The following CACNA1C variants were observed in gnomAD, a reference collection of about 807,000 sequenced individuals.
CACNA1C encodes calcium voltage-gated channel subunit alpha1 C.
Under a neutral mutation model 229.0 loss-of-function variants are expected in CACNA1C, and 30 were observed. That is an observed-to-expected ratio of 0.13 (90% CI 0.10 to 0.18). The LOEUF (loss-of-function observed/expected upper bound fraction) is 0.18, where lower values mean the gene tolerates loss of function less well. CACNA1C is among the 10% of genes least tolerant of loss of function. The probability of loss-of-function intolerance (pLI) is 1.00; values close to 1 mark genes in which losing one functional copy is unlikely to be tolerated. For missense variants in CACNA1C, 1,658 were observed against 2,845.0 expected, an observed-to-expected ratio of 0.58 and a Z score of 9.49; for synonymous variants, 1,114 against 1,132.5, an observed-to-expected ratio of 0.98 and a Z score of 0.33.
Position 2,384,655 on chromosome 12 carries a change from G to A in CACNA1C, c.478-64321G>A, listed in dbSNP as rs1284199689. ...AGCAGCAACAGTGAAAGGGAAGGGA[G>A]GTGGAGGGAGAGTAAGCCACATGGG... On this transcript the variant is annotated intron_variant, in intron 3 of 46. Transcript: ENST00000399655. 3.9e-5 allele frequency among the ~76,000 whole-genome samples: 6 copies of A among 152,194 alleles called. No individual in the cohort carries two copies. The East Asian group carries it at 1.2e-3, about 29-fold the overall frequency.
chr12:2,489,022 A>G (rs936401448), intron 6 of CACNA1C, among the ~76,000 whole-genome samples: 18 of 152,182 alleles, frequency 1.2e-4, no homozygotes, highest in African/African-American at 4.3e-4. Flanking sequence ...TAGAAGACCA[A>G]ATACTTGCAG....
At chr12:2,428,276 C>T (rs2099051867) in intron 3 of CACNA1C, among the ~76,000 whole-genome samples, 1 of 152,184 alleles carries the variant, frequency 6.6e-6, no homozygotes, top group South Asian at 2.1e-4. Context: ...GTCTAATGGG[C>T]ACTGTGCTTG....
rs189603592 is a variant in CACNA1C, at chr12:2,143,016, C to A, written c.477+22586C>A. On this transcript the variant is annotated intron_variant, in intron 3 of 46. Transcript: ENST00000399655. ...TTTGAGACGGAGTCTCTCTCTGTTG[C>A]CCAGGCTGGAGTGCAATGGTGCTAT... 1.6e-4 allele frequency among the ~76,000 whole-genome samples: 24 copies of A among 150,696 alleles called. 2 individuals carry two copies. The highest frequency in any genetic ancestry group is 2.7e-4 in the Admixed American group (4 of 14,952).
At chr12:2,370,825 A>C (rs1449584652) in intron 3 of CACNA1C, among the ~76,000 whole-genome samples, 2 of 152,158 alleles carry the variant, frequency 1.3e-5, no homozygotes, top group Non-Finnish European at 2.9e-5. Flanking sequence ...TGGTGTTGTG[A>C]TTGTAGTCGA....
In CACNA1C at chr12:2,209,380, C is replaced by T. The variant is rs113243429; in HGVS notation, c.477+88950C>T. Among the ~76,000 whole-genome samples the T allele has an allele frequency of 4.1e-3, 627 of 152,166 alleles. 12 individuals are homozygous for T. The highest frequency in any genetic ancestry group is 0.033 in the South Asian group (157 of 4,822). ...GACGGTTGTAATAGTAAGAAACTCA[C>T]GGGGAGGAGTCATAGTGTGCTTGAA... On this transcript the variant is annotated intron_variant, in intron 3 of 46. Coordinates refer to ENST00000399655, the MANE Select transcript of CACNA1C (RefSeq NM_000719.7).
In CACNA1C at chr12:2,137,691, T is replaced by C. The variant is rs746685397; in HGVS notation, c.477+17261T>C. On this transcript the variant is annotated intron_variant, in intron 3 of 46. Coordinates refer to ENST00000399655, the MANE Select transcript of CACNA1C (RefSeq NM_000719.7). ...ATATATTTGTCTCTAAAATACTTACTGTTTTTTTTTTTCTGGCACATTCCT... is the reference window on the plus strand; with the variant it reads ...ATATATTTGTCTCTAAAATACTTACCGTTTTTTTTTTTCTGGCACATTCCT... Among the ~76,000 whole-genome samples, 25 of 151,258 alleles carry C rather than the reference T, an allele frequency of 1.7e-4. 2 individuals are homozygous for C. The highest frequency in any genetic ancestry group is 3.4e-4 in the Non-Finnish European group (23 of 67,618).
chr12:2,613,122 C>A (rs1339575518), intron 29 of CACNA1C: 1 of 152,200 alleles, frequency 6.6e-6, no homozygotes, highest in Non-Finnish European at 1.5e-5. Flanking sequence ...TCCAGCTCGG[C>A]CTTTGAATCC....
At chr12:2,153,058 T>C (rs115499596) in intron 3 of CACNA1C, among the ~76,000 whole-genome samples, 5,769 of 152,266 alleles carry the variant, frequency 0.038, 281 homozygotes, top group African/African-American at 0.11. Flanking sequence ...ATGGCAGAGA[T>C]CAGCAGAGTG....
intron 5 of CACNA1C, among the ~76,000 whole-genome samples, chr12:2,472,090 T>C (rs1225549542): frequency 6.6e-6 from 1 of 152,244 alleles, no homozygotes; most frequent in African/African-American, 2.4e-5. Flanking sequence ...ATCATTATTA[T>C]ATTCATTATA....
rs143469562 is a variant in CACNA1C at position 2,009,426 on chromosome 12, T to C, written c.139+38225T>C. On this transcript the variant is annotated intron_variant, in intron 1 of 46. Coordinates refer to the CACNA1C transcript ENST00000682462. ...TGAATGTTTGCATACAAATATAGAT[T>C]GACTATATCATCACAATTTTAAAAC... 5.8e-3 allele frequency among the ~76,000 whole-genome samples: 880 copies of C among 152,354 alleles called. 7 individuals are homozygous for C. Among genetic ancestry groups the C allele is most frequent in the African/African-American group, 0.02 (812 of 41,586 alleles).
intron 34 of CACNA1C, among the ~76,000 whole-genome samples, chr12:2,657,073 G>T (rs996192021): frequency 3.3e-5 from 5 of 152,138 alleles, no homozygotes; most frequent in Non-Finnish European, 7.3e-5. Context: ...GACCCATAAA[G>T]TTTACTCCCC....
chr12:2,522,560 A>G (rs2099811978), intron 9 of CACNA1C, among the ~76,000 whole-genome samples: 1 of 152,182 alleles, frequency 6.6e-6, no homozygotes, highest in Non-Finnish European at 1.5e-5. Flanking sequence ...AGAATTATAT[A>G]GTCCCAGGAG....
At chr12:2,178,451 G>A (rs2096733465) in intron 3 of CACNA1C, among the ~76,000 whole-genome samples, 1 of 152,208 alleles carries the variant, frequency 6.6e-6, no homozygotes, top group Admixed American at 6.5e-5. Flanking sequence ...GACAATCCAG[G>A]GATCTGCAGA....
At chr12:1,975,279 T>G (rs969778962) in intron 1 of CACNA1C, among the ~76,000 whole-genome samples, 1 of 152,178 alleles carries the variant, frequency 6.6e-6, no homozygotes, top group African/African-American at 2.4e-5. Context: ...ATACATAAGG[T>G]AATTCTAATA....
chr12:2,519,987 C>T (rs964484252), intron 9 of CACNA1C, among the ~76,000 whole-genome samples: 5 of 152,254 alleles, frequency 3.3e-5, no homozygotes, highest in Non-Finnish European at 5.9e-5. Context: ...GAAGTAGGCA[C>T]GTCAGCCTGT....
At chr12:2,384,177 G>T (rs993435380) in intron 3 of CACNA1C, among the ~76,000 whole-genome samples, 1 of 152,204 alleles carries the variant, frequency 6.6e-6, no homozygotes, top group African/African-American at 2.4e-5. Flanking sequence ...AAGTTTTCTC[G>T]CAGGTGACTC....
chr12:2,158,732 G>T (rs1386687695), intron 3 of CACNA1C, among the ~76,000 whole-genome samples: 2 of 152,020 alleles, frequency 1.3e-5, no homozygotes, highest in Non-Finnish European at 2.9e-5. Flanking sequence ...TTTCAGATAG[G>T]TAAAAATATA....
chr12:2,496,594 A>C (rs1209422402), intron 7 of CACNA1C, among the ~76,000 whole-genome samples: 1 of 151,700 alleles, frequency 6.6e-6, no homozygotes, highest in Non-Finnish European at 1.5e-5. Context: ...TTCCTCTAAC[A>C]TCCGTTATTG....
At chr12:1,984,778 TAAAAAA>T (rs764705302) in intron 1 of CACNA1C, among the ~76,000 whole-genome samples, 5 of 81,346 alleles carry the variant, frequency 6.1e-5, no homozygotes, top group East Asian at 3.4e-4. Context: ...GGTCTTCTGG[TAAAAAA>T]AAAAAAAAAA....
Sources: allele counts gnomAD v4.1 joint callset (sites outside exome capture counted in the v4.1 genomes callset), GRCh38; gene constraint gnomAD v4.1.1; transcripts MANE v1.5; gene names NCBI Gene and HGNC (gene_info 2026-07-23, HGNC 2026-07-21).